Variants in MFSD1 observed in about 807,000 individuals in gnomAD.
MFSD1 encodes major facilitator superfamily domain containing 1, also known as lysosomal dipeptide transporter MFSD1.
A neutral mutation model predicts 67.1 loss-of-function variants in MFSD1; 59 were observed. The observed-to-expected ratio is 0.88, with a 90% confidence interval of 0.71 to 1.09. The LOEUF (loss-of-function observed/expected upper bound fraction) is 1.09, where lower values mean the gene tolerates loss of function less well. Ranked by LOEUF, MFSD1 falls within the 50% of genes least tolerant of loss-of-function variation. MFSD1 has a pLI of 0.00. For synonymous variants in MFSD1, 213 were observed against 200.3 expected (o/e 1.06, Z -0.54); for missense variants, 552 against 566.1 (o/e 0.97, Z 0.25).
intron 7 of MFSD1, among the ~76,000 whole-genome samples, chr3:158,816,472 A>G (rs1285315552): frequency 6.6e-6 from 1 of 152,158 alleles, no homozygotes; most frequent in Non-Finnish European, 1.5e-5. Context: ...GTGTCTGTTC[A>G]TGTCCTTCGC....
At chr3:158,805,508 C>G (rs1409072503) in intron 3 of MFSD1, 34 bp downstream of exon 3, 9 of 1,443,214 alleles carry the variant, frequency 6.2e-6, no homozygotes, top group Non-Finnish European at 8.8e-6. Flanking sequence ...GTAAATCTTA[C>G]CTGATTGTTA....
chr3:158,807,400 T>G lies in MFSD1; in HGVS notation c.377T>G (p.Val126Gly). Residue 126 changes from valine to glycine, a missense_variant, in exon 5 of 16, where the codon GTT becomes GGT. Transcript: ENST00000415822. ...ACATGAACTTCTACATTATAGGTTG[T>G]TTTTGCCCTGGGTGGAATATTTAAT... ...FSCFVCIGQV[V>G]FALGGIFNAF... is the part of the protein sequence containing the mutation. 1 of 1,611,926 alleles carries G rather than the reference T, an allele frequency of 6.2e-7. No individual in the cohort carries two copies. Among genetic ancestry groups the G allele is most frequent in the Non-Finnish European group, 8.5e-7 (1 of 1,178,468 alleles).
Position 158,829,042 on chromosome 3 carries a change from C to T in MFSD1, c.*60C>T. The T allele has an allele frequency of 1.3e-6, 2 of 1,518,564 alleles. No homozygotes were observed. The highest frequency in any genetic ancestry group is 8.9e-7 in the Non-Finnish European group (1 of 1,126,680). The allele number at this position is 1,518,564 out of a possible 1,614,324, so 94.1% of individuals were successfully genotyped here. A position where few individuals can be genotyped will look rare whatever the true frequency, so the allele number is the denominator to read the frequency against. On this transcript the variant is annotated 3_prime_UTR_variant, in exon 16 of 16. Coordinates refer to ENST00000415822, the MANE Select transcript of MFSD1 (RefSeq NM_022736.4). ...AACACATCGTTGGTTTGAAAACTTC[C>T]ATTTTTAAAAATTTAGAGTTTAGTC... is the stretch of plus-strand genomic sequence containing the variant.
At chr3:158,802,735 C>T in intron 1 of MFSD1, 1 of 365,890 alleles carries the variant, frequency 2.7e-6, no homozygotes, top group Admixed American at 3.7e-5. Flanking sequence ...GGGGCTTGCT[C>T]TGTCACCCAG....
rs1730793483 is a variant in MFSD1, at chr3:158,823,606, C to T, written c.1175+81C>T. ...ATCATATAAAACTCCAGATCTGAAT[C>T]TAGTCGTCATCCAGCCTCTGGGGTA... On this transcript the variant is annotated intron_variant, in intron 12 of 15. Transcript: ENST00000415822. The T allele has an allele frequency of 5.7e-6, 6 of 1,051,468 alleles. No individual in the cohort carries two copies. The South Asian group carries it at 7.6e-5, about 13-fold the overall frequency. 65.1% of individuals were successfully genotyped at this position (1,051,468 alleles called of 1,614,324 possible). A position where few individuals can be genotyped will look rare whatever the true frequency, so the allele number is the denominator to read the frequency against.
chr3:158,822,099 A>G lies in MFSD1; in HGVS notation c.1036A>G (p.Met346Val), dbSNP rs766627539. The G allele has an allele frequency of 1.9e-6, 3 of 1,613,940 alleles. No homozygotes were observed. Among genetic ancestry groups the G allele is most frequent in the East Asian group, 2.2e-5 (1 of 44,884 alleles). The change falls in exon 11 of 16, where the codon ATG (methionine) becomes GTG (valine). Residue 346 changes from methionine (M) to valine (V), a missense_variant. Met to Val is a conservative substitution (Grantham distance 21). Coordinates refer to ENST00000415822, the MANE Select transcript of MFSD1 (RefSeq NM_022736.4). ...AGTAGCAGCCACTCTTGTGTCCCAC[A>G]TGATGCTGGCCTTTACGATGTGGAA... ...CAVAATLVSH[M>V]MLAFTMWNPW...
At chr3:158,823,802 T>A (rs920828834) in intron 12 of MFSD1, among the ~76,000 whole-genome samples, 2 of 152,158 alleles carry the variant, frequency 1.3e-5, no homozygotes, top group African/African-American at 2.4e-5. Context: ...AGAAGCTGAG[T>A]CCAGTTCCTG....
rs548616234 is a variant in MFSD1, at chr3:158,818,560, A to G, written c.653-1089A>G. Among the ~76,000 whole-genome samples the G allele has an allele frequency of 1.7e-4, 26 of 152,072 alleles. 1 individual carries two copies. The South Asian group carries it at 2.1e-3, about 12-fold the overall frequency. Reference sequence around the variant, plus strand: ...AACCACTGATCTACTCACTACTTCTATAAGATCAGGTTTTTAAAATATATA... The same window carrying G: ...AACCACTGATCTACTCACTACTTCTGTAAGATCAGGTTTTTAAAATATATA... On this transcript the variant is annotated intron_variant, in intron 7 of 15. Coordinates refer to ENST00000415822, the MANE Select transcript of MFSD1 (RefSeq NM_022736.4).
chr3:158,810,876 G>A (rs905554628), intron 6 of MFSD1, among the ~76,000 whole-genome samples: 1 of 152,058 alleles, frequency 6.6e-6, no homozygotes, highest in African/African-American at 2.4e-5. Context: ...TGCCTATAAG[G>A]ATATTCCCAA....
intron 15 of MFSD1, among the ~76,000 whole-genome samples, chr3:158,827,911 A>C (rs79569370): frequency 1.1e-5 from 1 of 90,432 alleles, no homozygotes; most frequent in Non-Finnish European, 2.1e-5. Flanking sequence ...AGAGAGAGAG[A>C]GGGGGAGAGA....
chr3:158,814,804 C>T (rs1009550200), intron 7 of MFSD1, among the ~76,000 whole-genome samples: 2 of 152,018 alleles, frequency 1.3e-5, no homozygotes, highest in Admixed American at 1.3e-4. Context: ...TTATAGCAGC[C>T]GGGCACGGTG....
chr3:158,809,331 G>T, intron 6 of MFSD1, 44 bp downstream of exon 6: 2 of 1,235,328 alleles, frequency 1.6e-6, no homozygotes, highest in East Asian at 4.7e-5. Context: ...GGAAGCAAAA[G>T]ATTAAATCTT....
At position 158,802,080 on chromosome 3, in the gene MFSD1, G is replaced by C. The variant is rs370824770; in HGVS notation, c.-73G>C. 1.8e-4 allele frequency: 288 copies of C among 1,572,964 alleles called. No homozygotes were observed. The African/African-American group carries it at 3.5e-3, about 19-fold the overall frequency. ...GTCATGTGACCGCCGTCTTGACAGT[G>C]TTCCACGGGCGCTGCTTCCTGCCTG... On this transcript the variant is annotated 5_prime_UTR_variant, in exon 1 of 16. Transcript: ENST00000415822.
chr3:158,821,898 C>A, intron 10 of MFSD1, 86 bp from the exon 11 acceptor site: 1 of 1,400,424 alleles, frequency 7.1e-7, no homozygotes, highest in South Asian at 1.3e-5. Flanking sequence ...TTAGGATTTG[C>A]TTTGCCTGAT....
intron 4 of MFSD1, 77 bp from the exon 5 acceptor site, chr3:158,807,319 T>A: frequency 8.5e-7 from 1 of 1,173,684 alleles, no homozygotes; most frequent in Non-Finnish European, 1.3e-6. Flanking sequence ...AGTTGAGATT[T>A]ATCATGTTCC....
At chr3:158,822,202 C>G (rs1730718423) in intron 11 of MFSD1, 62 bp downstream of exon 11, 1 of 1,516,670 alleles carries the variant, frequency 6.6e-7, no homozygotes, top group East Asian at 2.3e-5. Context: ...TCATGTTCAT[C>G]TAAGTAGGCA....
intron 3 of MFSD1, 40 bp from the exon 4 acceptor site, chr3:158,806,999 CT>C: frequency 1.3e-6 from 2 of 1,489,486 alleles, no homozygotes; most frequent in Non-Finnish European, 9.1e-7. Flanking sequence ...TTTTTTTTTT[CT>C]TTTTCTTTTT....
intron 1 of MFSD1, among the ~76,000 whole-genome samples, chr3:158,802,999 G>A (rs187809851): frequency 7.9e-5 from 12 of 152,266 alleles, no homozygotes; most frequent in Non-Finnish European, 1.6e-4. Flanking sequence ...GTGTCTTGCT[G>A]ATAGCTTCAG....
At position 158,806,916 on chromosome 3, in the gene MFSD1, G is replaced by T. The variant is rs575038345; in HGVS notation, c.330-124G>T. 8 of 738,564 alleles carry T rather than the reference G, an allele frequency of 1.1e-5. No homozygotes were observed. In the South Asian group the frequency reaches 1.7e-4, roughly 15 times the overall value. 45.8% of individuals were successfully genotyped at this position (738,564 alleles called of 1,614,324 possible). A position where few individuals can be genotyped will look rare whatever the true frequency, so the allele number is the denominator to read the frequency against. The stretch of plus-strand genomic sequence containing the variant: ...TTCTTTGGAGGGAATACAGAGGGAG[G>T]CAAAGAAAACCAAAGTGAATTATTA... On this transcript the variant is annotated intron_variant, in intron 3 of 15. Coordinates refer to ENST00000415822, the MANE Select transcript of MFSD1 (RefSeq NM_022736.4).
Sources: allele counts gnomAD v4.1 joint callset (sites outside exome capture counted in the v4.1 genomes callset), GRCh38; gene constraint gnomAD v4.1.1; transcripts MANE v1.5; gene names NCBI Gene and HGNC (gene_info 2026-07-23, HGNC 2026-07-21).